Variants in PBX1 observed in about 807,000 individuals in gnomAD.
PBX1 encodes the protein pre-B-cell leukemia transcription factor 1.
Under a neutral mutation model 53.4 loss-of-function variants are expected in PBX1, and 6 were observed. That is an observed-to-expected ratio of 0.11 (90% CI 0.06 to 0.22). The LOEUF (loss-of-function observed/expected upper bound fraction) is 0.22. Ranked by LOEUF, PBX1 falls within the 10% of genes least tolerant of loss-of-function variation. The pLI, the probability that PBX1 is intolerant of heterozygous loss-of-function variation, is 1.00. For missense variants in PBX1, 251 were observed against 551.4 expected (o/e 0.46, Z 5.46); for synonymous variants, 204 against 212.3 (o/e 0.96, Z 0.34).
chr1:164,731,363 C>T (rs1487150999), intron 2 of PBX1, among the ~76,000 whole-genome samples: 1 of 151,036 alleles, frequency 6.6e-6, no homozygotes, highest in Non-Finnish European at 1.5e-5. Context: ...CAGCCTGTCA[C>T]TTGATGAGGT....
intron 2 of PBX1, among the ~76,000 whole-genome samples, chr1:164,673,479 T>TTTTTTTA (rs1336609655): frequency 1.4e-5 from 2 of 147,142 alleles, no homozygotes; most frequent in African/African-American, 5.1e-5. Context: ...TTTTTTTTTT[T>TTTTTTTA]TTTTTTTTTG....
At chr1:164,868,406 C>T (rs1672269680) in intron 2 of PBX1, among the ~76,000 whole-genome samples, 1 of 152,100 alleles carries the variant, frequency 6.6e-6, no homozygotes, top group Non-Finnish European at 1.5e-5. Flanking sequence ...CCCTGCTCTG[C>T]GTTGGTGTTT....
chr1:164,879,691 T>A (rs371715825), intron 2 of PBX1, among the ~76,000 whole-genome samples: 1 of 152,256 alleles, frequency 6.6e-6, no homozygotes, highest in East Asian at 1.9e-4. Flanking sequence ...TTAAATGTGT[T>A]TGGCCCAATA....
At chr1:164,700,097 T>A (rs1364779513) in intron 2 of PBX1, among the ~76,000 whole-genome samples, 1 of 152,182 alleles carries the variant, frequency 6.6e-6, no homozygotes, top group African/African-American at 2.4e-5. Context: ...GGAACAGAGA[T>A]GCTTATTACA....
intron 2 of PBX1, among the ~76,000 whole-genome samples, chr1:164,673,966 G>T (rs756557306): frequency 3.9e-5 from 6 of 152,098 alleles, no homozygotes; most frequent in South Asian, 2.1e-4. Context: ...TATGAATATC[G>T]CTGCTTACAC....
At chr1:164,640,224 T>C (rs1454522447) in intron 2 of PBX1, among the ~76,000 whole-genome samples, 4 of 152,202 alleles carry the variant, frequency 2.6e-5, no homozygotes, top group Non-Finnish European at 5.9e-5. Context: ...TTTTTTGCTC[T>C]GTTTACATTT....
chr1:164,707,820 A>G (rs1324661945), intron 2 of PBX1, among the ~76,000 whole-genome samples: 1 of 152,200 alleles, frequency 6.6e-6, no homozygotes, highest in Non-Finnish European at 1.5e-5. Context: ...AAAGTGGTTT[A>G]ATTTCCCACT....
At chr1:164,881,695 A>G (rs556604956) in intron 2 of PBX1, among the ~76,000 whole-genome samples, 1 of 152,134 alleles carries the variant, frequency 6.6e-6, no homozygotes. Flanking sequence ...CAAAGACACT[A>G]CATTTTCTGG....
rs146320154 is a variant in PBX1 at position 164,585,621 on chromosome 1, A to G, written c.265+22310A>G. 4.5e-3 allele frequency among the ~76,000 whole-genome samples: 680 copies of G among 152,322 alleles called. 11 individuals are homozygous for G. The highest frequency in any genetic ancestry group is 0.015 in the African/African-American group (606 of 41,570). On this transcript the variant is annotated intron_variant, in intron 2 of 8. Coordinates refer to ENST00000420696, the MANE Select transcript of PBX1 (RefSeq NM_002585.4). ...TTTCTTTTGGCTTGGTTTAGAGACC[A>G]CTAGAACCAGTTCCTTTCTCTGATT...
chr1:164,705,882 C>T (rs994541891), intron 2 of PBX1, among the ~76,000 whole-genome samples: 1 of 152,156 alleles, frequency 6.6e-6, no homozygotes, highest in Non-Finnish European at 1.5e-5. Flanking sequence ...CTTCATGCTG[C>T]CTGATGTTAT....
At chr1:164,705,309 A>G (rs1434671759) in intron 2 of PBX1, among the ~76,000 whole-genome samples, 2 of 152,222 alleles carry the variant, frequency 1.3e-5, no homozygotes, top group African/African-American at 4.8e-5. Flanking sequence ...CTGTAAATAA[A>G]TAATATAGGT....
At chr1:164,776,937 T>G (rs896885764) in intron 2 of PBX1, among the ~76,000 whole-genome samples, 647 of 26,826 alleles carry the variant, frequency 0.024, 46 homozygotes, top group East Asian at 0.24. Context: ...GTGTGTGTGG[T>G]GGGAGGAGAG....
At chr1:164,819,133 A>T (rs1209786643) in intron 6 of PBX1, 1 of 152,136 alleles carries the variant, frequency 6.6e-6, no homozygotes, top group Non-Finnish European at 1.5e-5. Flanking sequence ...ATGACTTCAG[A>T]ATAATATTAA....
chr1:164,751,796 G>A (rs991099938), intron 2 of PBX1, among the ~76,000 whole-genome samples: 4 of 151,766 alleles, frequency 2.6e-5, no homozygotes, highest in African/African-American at 9.7e-5. Flanking sequence ...TGGCCAGGCT[G>A]ATCTCAGACT....
At chr1:164,742,390 A>G (rs899198359) in intron 2 of PBX1, among the ~76,000 whole-genome samples, 1 of 152,144 alleles carries the variant, frequency 6.6e-6, no homozygotes, top group Non-Finnish European at 1.5e-5. Flanking sequence ...AAAAATACAA[A>G]AATTAGCCAG....
chr1:164,663,288 A>C (rs1445753323), intron 2 of PBX1, among the ~76,000 whole-genome samples: 16 of 123,886 alleles, frequency 1.3e-4, no homozygotes, highest in East Asian at 2.4e-4. Flanking sequence ...CTGCCTTCCT[A>C]CCTGCCTGCC....
intron 8 of PBX1, among the ~76,000 whole-genome samples, chr1:164,833,690 A>G (rs1670880227): frequency 6.6e-6 from 1 of 152,160 alleles, no homozygotes; most frequent in Non-Finnish European, 1.5e-5. Flanking sequence ...CAGGCCTGGT[A>G]TACAGTAGGT....
chr1:164,588,290 A>G (rs79617592), intron 2 of PBX1, among the ~76,000 whole-genome samples: 1 of 152,150 alleles, frequency 6.6e-6, no homozygotes, highest in African/African-American at 2.4e-5. Flanking sequence ...TTTATTGAGC[A>G]CAAAGAAGAC....
Position 164,848,672 on chromosome 1 carries a change from A to G in PBX1, c.*1996A>G. The G allele has an allele frequency of 3.8e-6, 4 of 1,055,860 alleles. No individual in the cohort carries two copies. Among genetic ancestry groups the G allele is most frequent in the Non-Finnish European group, 4.6e-6 (4 of 873,468 alleles). 65.4% of individuals were successfully genotyped at this position (1,055,860 alleles called of 1,614,324 possible). ...ACAGGCCCTGGTTCCCTTAGTTTGC[A>G]CTTGAACCCAATATGTTGCCTTGTA... On this transcript the variant is annotated 3_prime_UTR_variant, in exon 9 of 9. Coordinates refer to ENST00000420696, the MANE Select transcript of PBX1 (RefSeq NM_002585.4).
Sources: allele counts gnomAD v4.1 joint callset (sites outside exome capture counted in the v4.1 genomes callset), GRCh38; gene constraint gnomAD v4.1.1; transcripts MANE v1.5; gene names NCBI Gene and HGNC (gene_info 2026-07-23, HGNC 2026-07-21).